The following CHIC1 variants were observed in gnomAD, a reference collection of about 807,000 sequenced individuals.
The protein encoded by CHIC1 is cysteine rich hydrophobic domain 1.
A neutral mutation model predicts 18.5 loss-of-function variants in CHIC1; 7 were observed. The ratio of observed to expected loss-of-function variants is 0.38; its 90% CI spans 0.22 to 0.71. The LOEUF is 0.71. Ranked by LOEUF, CHIC1 falls within the 30% of genes least tolerant of loss-of-function variation. CHIC1 has a pLI of 0.49. For missense variants in CHIC1, 159 were observed against 176.9 expected, an observed-to-expected ratio of 0.90 and a Z score of 0.57; for synonymous variants, 77 against 73.5, an observed-to-expected ratio of 1.05 and a Z score of -0.25.
chrX:73,675,315 A>G (rs1229835798), intron 3 of CHIC1, among the ~76,000 whole-genome samples: 1 of 111,385 alleles, frequency 9.0e-6, no homozygotes, highest in Admixed American at 9.5e-5. Flanking sequence ...TGATCTGTCT[A>G]ATGTTGACAT....
intron 3 of CHIC1, among the ~76,000 whole-genome samples, chrX:73,628,442 T>A (rs2057793180): frequency 8.9e-6 from 1 of 112,015 alleles, no homozygotes; most frequent in African/African-American, 3.2e-5. Context: ...GTGGCAAGGT[T>A]TGTAGAAACT....
chrX:73,655,365 A>G (rs2057937594), intron 3 of CHIC1, among the ~76,000 whole-genome samples: 1 of 101,756 alleles, frequency 9.8e-6, no homozygotes, highest in Non-Finnish European at 2.0e-5. Flanking sequence ...AACACTATAT[A>G]CACACAATAT....
chrX:73,567,338 C>T (rs1042930761), intron 1 of CHIC1, among the ~76,000 whole-genome samples: 6 of 110,507 alleles, frequency 5.4e-5, no homozygotes, highest in African/African-American at 2.0e-4. Context: ...CTCATATCCC[C>T]ACCCCCAAAT....
chrX:73,586,221 A>G (rs2057552481), intron 3 of CHIC1, among the ~76,000 whole-genome samples: 1 of 111,383 alleles, frequency 9.0e-6, no homozygotes, highest in Admixed American at 9.6e-5. Flanking sequence ...AGTAGAACAT[A>G]CATTCTCTGG....
chrX:73,669,762 A>T (rs1442593470), intron 3 of CHIC1, among the ~76,000 whole-genome samples: 1 of 111,971 alleles, frequency 8.9e-6, no homozygotes, highest in Admixed American at 9.4e-5. Flanking sequence ...AATGGCAGAG[A>T]TGGCACCTAT....
At chrX:73,660,378 T>A (rs2057973762) in intron 3 of CHIC1, among the ~76,000 whole-genome samples, 1 of 111,731 alleles carries the variant, frequency 9.0e-6, no homozygotes, top group Non-Finnish European at 1.9e-5. Flanking sequence ...TATTAGAGGC[T>A]GGAAAGGGGG....
At chrX:73,637,069 A>G (rs2147597351) in intron 3 of CHIC1, among the ~76,000 whole-genome samples, 1 of 111,609 alleles carries the variant, frequency 9.0e-6, no homozygotes, top group South Asian at 3.8e-4. Context: ...TCTAATGGTA[A>G]TGTACTTCCT....
In CHIC1 at chrX:73,683,283, C is replaced by T. The variant is rs996818459; in HGVS notation, c.*2278C>T. On this transcript the variant is annotated 3_prime_UTR_variant, in exon 6 of 6. Coordinates refer to ENST00000373502, the MANE Select transcript of CHIC1 (RefSeq NM_001039840.4). ...CACTCGAGTTTATTATTTTATTGTTCGCTATGCTGGTTGACTCATCTTAGT... is the reference window on the plus strand; with the variant it reads ...CACTCGAGTTTATTATTTTATTGTTTGCTATGCTGGTTGACTCATCTTAGT... 1.2e-4 allele frequency: 13 copies of T among 111,633 alleles called. No individual in the cohort carries two copies. The highest frequency in any genetic ancestry group is 1.9e-4 in the African/African-American group (6 of 30,856). The allele number at this position is 111,633 out of a possible 1,213,427, so 9.2% of individuals were successfully genotyped here. A position where few individuals can be genotyped will look rare whatever the true frequency, so the allele number is the denominator to read the frequency against.
intron 3 of CHIC1, among the ~76,000 whole-genome samples, chrX:73,665,789 C>T (rs776231235): frequency 1.3e-4 from 14 of 111,554 alleles, no homozygotes; most frequent in Middle Eastern, 4.7e-3. Context: ...TTTGCCTGGT[C>T]GCATGGCTAG....
At chrX:73,572,924 T>C (rs187330686) in intron 1 of CHIC1, among the ~76,000 whole-genome samples, 7 of 111,641 alleles carry the variant, frequency 6.3e-5, no homozygotes, top group African/African-American at 1.9e-4. Context: ...ATAATTTCTT[T>C]TGCTGTGCAG....
In CHIC1 at chrX:73,641,879, T is replaced by C. The variant is rs770551043; in HGVS notation, c.508-37447T>C. 1.6e-4 allele frequency among the ~76,000 whole-genome samples: 18 copies of C among 112,010 alleles called. 1 individual carries two copies. The South Asian group carries it at 5.6e-3, about 35-fold the overall frequency. On this transcript the variant is annotated intron_variant, in intron 3 of 5. Transcript: ENST00000373502. ...TTTTTTAGGGCTGCATAGTATTCCA[T>C]GGTGTATATGTGCCACATTTTCTTA...
intron 3 of CHIC1, among the ~76,000 whole-genome samples, chrX:73,670,014 A>G (rs906943599): frequency 9.0e-6 from 1 of 111,350 alleles, no homozygotes; most frequent in Admixed American, 9.5e-5. Context: ...ACTCTGCAAG[A>G]CTCCATACAG....
At chrX:73,622,079 G>C (rs931790417) in intron 3 of CHIC1, among the ~76,000 whole-genome samples, 2 of 111,987 alleles carry the variant, frequency 1.8e-5, no homozygotes, top group Admixed American at 9.5e-5. Flanking sequence ...TTTTTGATTT[G>C]CTGCTGGATT....
chrX:73,572,825 T>C (rs932023100), intron 1 of CHIC1, among the ~76,000 whole-genome samples: 3 of 111,538 alleles, frequency 2.7e-5, no homozygotes, highest in Admixed American at 9.5e-5. Flanking sequence ...TTGAATTATT[T>C]AAATTCCTAA....
chrX:73,566,636 A>G (rs925738680), intron 1 of CHIC1, among the ~76,000 whole-genome samples: 1 of 111,752 alleles, frequency 8.9e-6, no homozygotes, highest in Non-Finnish European at 1.9e-5. Context: ...AATTTCTAAA[A>G]AAGTAGCTAC....
At chrX:73,674,076 G>A (rs1039330183) in intron 3 of CHIC1, among the ~76,000 whole-genome samples, 9 of 111,981 alleles carry the variant, frequency 8.0e-5, no homozygotes, top group Non-Finnish European at 1.5e-4. Context: ...TGTTGAACCA[G>A]CCTTGCATCC....
chrX:73,675,760 T>C (rs1278066668), intron 3 of CHIC1, among the ~76,000 whole-genome samples: 2 of 111,261 alleles, frequency 1.8e-5, no homozygotes, highest in Non-Finnish European at 3.8e-5. Flanking sequence ...ATGTGTGAAT[T>C]TGATCCTGTC....
chrX:73,629,580 C>T lies in CHIC1; in HGVS notation c.507+45008C>T, dbSNP rs188439990. ...GATTATCCTTTTTCCAATGTGTATG[C>T]TTGTTTTCCTTTTCAAAAATTAGTT... On this transcript the variant is annotated intron_variant, in intron 3 of 5. Transcript: ENST00000373502. Among the ~76,000 whole-genome samples, 260 of 111,874 alleles carry T rather than the reference C, an allele frequency of 2.3e-3. 1 individual carries two copies. Among genetic ancestry groups the T allele is most frequent in the African/African-American group, 7.9e-3 (245 of 30,870 alleles).
At chrX:73,614,844 T>G (rs2057725080) in intron 3 of CHIC1, among the ~76,000 whole-genome samples, 1 of 111,058 alleles carries the variant, frequency 9.0e-6, no homozygotes, top group Admixed American at 9.7e-5. Flanking sequence ...ATCACTGTTT[T>G]AAATTCTTTT....
Sources: gnomAD v4.1 joint callset for allele counts (sites outside exome capture counted in the v4.1 genomes callset) on GRCh38, gnomAD v4.1.1 for gene constraint, MANE v1.5 for transcripts, NCBI Gene and HGNC (gene_info 2026-07-23, HGNC 2026-07-21) for gene names.